FOXP4: variants seen among roughly 807,000 people sequenced by gnomAD.
FOXP4 encodes forkhead box protein P4.
In FOXP4, 25 loss-of-function variants were observed where a neutral mutation model predicts 82.6. The ratio of observed to expected loss-of-function variants is 0.30; its 90% CI spans 0.22 to 0.42. FOXP4 has a LOEUF of 0.42. Among genes scored for constraint, FOXP4 ranks in the 10% least tolerant of loss-of-function variants. The pLI is 1.00. For missense variants in FOXP4, 785 were observed against 900.9 expected (o/e 0.87, Z 1.65); for synonymous variants, 415 against 388.2 (o/e 1.07, Z -0.81).
chr6:41,560,603 C>G (rs936708377), intron 1 of FOXP4, among the ~76,000 whole-genome samples: 3 of 152,252 alleles, frequency 2.0e-5, no homozygotes, highest in Non-Finnish European at 2.9e-5. Context: ...CTCTCCCTCC[C>G]CCGCGGGTAA....
At chr6:41,559,384 G>A (rs1764443435) in intron 1 of FOXP4, among the ~76,000 whole-genome samples, 1 of 152,226 alleles carries the variant, frequency 6.6e-6, no homozygotes, top group Admixed American at 6.5e-5. Flanking sequence ...AATGGATGAA[G>A]GGTCATTGCT....
At chr6:41,583,169 G>T (rs1247209471) in intron 3 of FOXP4, among the ~76,000 whole-genome samples, 2 of 152,244 alleles carry the variant, frequency 1.3e-5, no homozygotes, top group East Asian at 1.9e-4. Context: ...ATAGAGATGG[G>T]CTGGGATAGG....
Position 41,587,343 on chromosome 6 carries a change from G to A in FOXP4, c.703G>A (p.Gly235Ser), listed in dbSNP as rs751465280. 1.9e-6 allele frequency: 3 copies of A among 1,611,474 alleles called. No individual in the cohort carries two copies. The highest frequency in any genetic ancestry group is 2.7e-5 in the African/African-American group (2 of 74,900). ...CCTGCCCCAGCTGTGGAAGGGCGAGGGTGCCCCCGGGCAGCCTGCCGAGGA... is the reference window on the plus strand; with the variant it reads ...CCTGCCCCAGCTGTGGAAGGGCGAGAGTGCCCCCGGGCAGCCTGCCGAGGA... ...TDLPQLWKGE[G>S]APGQPAEDSV... The change falls in exon 7 of 17, where the codon GGT becomes AGT. Residue 235 changes from glycine (G) to serine (S), a missense_variant. This residue lies in a region of FOXP4 where 570 missense variants were observed against 634.0 expected (regional missense o/e 0.90). Coordinates refer to ENST00000307972, the MANE Select transcript of FOXP4 (RefSeq NM_001012426.2).
intron 15 of FOXP4, among the ~76,000 whole-genome samples, chr6:41,597,514 T>G (rs1237914951): frequency 6.6e-6 from 1 of 152,172 alleles, no homozygotes; most frequent in East Asian, 1.9e-4. Flanking sequence ...GGGGGTTCTC[T>G]GTTCCCTGGG....
chr6:41,582,888 C>CATA (rs1765881492), intron 3 of FOXP4, among the ~76,000 whole-genome samples: 1 of 152,166 alleles, frequency 6.6e-6, no homozygotes, highest in Non-Finnish European at 1.5e-5. Flanking sequence ...ACCTGCCCTG[C>CATA]GGTGGGGCAG....
At position 41,591,332 on chromosome 6, in the gene FOXP4, G is replaced by T; in HGVS notation, c.1536+10G>T. 1.9e-6 allele frequency: 3 copies of T among 1,582,354 alleles called. No homozygotes were observed. The highest frequency in any genetic ancestry group is 1.7e-6 in the Non-Finnish European group (2 of 1,162,158). On this transcript the variant is annotated intron_variant, in intron 13 of 16. Coordinates refer to ENST00000307972, the MANE Select transcript of FOXP4 (RefSeq NM_001012426.2). This position sits in a 1 kb window ranked among gnomAD's most constrained non-coding sequence, Gnocchi z 4.2. ...CACTGCCACCTGGAAGGTGAAGCAG[G>T]CCCCTTCCACCTTCTGGGCCCCAGT...
chr6:41,590,450 G>C, intron 12 of FOXP4, 103 bp downstream of exon 12: 1 of 1,244,396 alleles, frequency 8.0e-7, no homozygotes, highest in Non-Finnish European at 1.1e-6. Context: ...CCAAGCAATG[G>C]AGCTGTCCCG....
intron 1 of FOXP4, chr6:41,548,301 C>A (rs1393603272): frequency 6.6e-6 from 1 of 152,236 alleles, no homozygotes. Context: ...TCCGGAGAAC[C>A]AAACCCGAGC....
chr6:41,584,709 G>T (rs950497115), intron 3 of FOXP4, 60 bp from the exon 4 acceptor site: 4 of 1,510,900 alleles, frequency 2.6e-6, no homozygotes, highest in Non-Finnish European at 2.7e-6. Context: ...TGGGGCCCTG[G>T]GTGGTGCCTC....
chr6:41,549,034 G>C (rs935964689), intron 1 of FOXP4, among the ~76,000 whole-genome samples: 2 of 152,120 alleles, frequency 1.3e-5, no homozygotes, highest in Admixed American at 6.5e-5. Context: ...AAGGTGGCAA[G>C]GGGAAGAGGT....
chr6:41,546,841 C>A lies in FOXP4; in HGVS notation c.-43C>A, dbSNP rs1421140406. On this transcript the variant is annotated 5_prime_UTR_variant, in exon 1 of 17. Coordinates refer to ENST00000307972, the MANE Select transcript of FOXP4 (RefSeq NM_001012426.2). The stretch of plus-strand genomic sequence containing the variant: ...CCCCGCGCGGGCTGACGGGCCGGAG[C>A]CCGCACGGAGCGGCCGGGCGGGACA... 2.0e-5 allele frequency: 3 copies of A among 149,670 alleles called. No homozygotes were observed. The highest frequency in any genetic ancestry group is 3.0e-5 in the Non-Finnish European group (2 of 67,242). 9.3% of individuals were successfully genotyped at this position (149,670 alleles called of 1,614,324 possible).
intron 1 of FOXP4, among the ~76,000 whole-genome samples, chr6:41,554,092 A>C (rs1764148213): frequency 6.6e-6 from 1 of 152,096 alleles, no homozygotes; most frequent in Non-Finnish European, 1.5e-5. Context: ...CCTTGTTCTT[A>C]TCCCCACAAC....
Position 41,597,840 on chromosome 6 carries a change from C to G in FOXP4, c.1785C>G (p.Gly595=), listed in dbSNP as rs1015695033. ...ACAGCCCTGGCATGCTGAACCCTGG[C>G]TCCGCCAGCAGCCTGCTGCCCCTCA... ...LLNSPGMLNP[G]SASSLLPLSH... The change falls in exon 16 of 17, where the codon GGC becomes GGG. Residue 595 remains glycine (G), a synonymous_variant. Transcript: ENST00000307972. 6.2e-6 allele frequency: 10 copies of G among 1,604,132 alleles called. No homozygotes were observed. Among genetic ancestry groups the G allele is most frequent in the Non-Finnish European group, 8.5e-6 (10 of 1,178,336 alleles).
At chr6:41,553,420 C>G (rs1764108260) in intron 1 of FOXP4, among the ~76,000 whole-genome samples, 1 of 152,184 alleles carries the variant, frequency 6.6e-6, no homozygotes, top group Admixed American at 6.5e-5. Flanking sequence ...TCTCCTCCCC[C>G]ATTCCTTTTT....
chr6:41,590,977 G>A (rs1355655626), intron 12 of FOXP4, among the ~76,000 whole-genome samples: 1 of 152,202 alleles, frequency 6.6e-6, no homozygotes, highest in Non-Finnish European at 1.5e-5. Flanking sequence ...AATCCTTCTT[G>A]TACAAATACA....
chr6:41,571,008 T>C (rs982331397), intron 2 of FOXP4, among the ~76,000 whole-genome samples: 1 of 151,940 alleles, frequency 6.6e-6, no homozygotes, highest in Admixed American at 6.6e-5. Context: ...GTGAAGCGGC[T>C]CAGAACCCAA....
chr6:41,576,802 G>A (rs1008504346), intron 2 of FOXP4, among the ~76,000 whole-genome samples: 2 of 152,170 alleles, frequency 1.3e-5, no homozygotes, highest in Non-Finnish European at 2.9e-5. Flanking sequence ...GCCCAAGGTC[G>A]CAGCTGGCAG....
At chr6:41,564,344 G>A (rs1764755500) in intron 1 of FOXP4, among the ~76,000 whole-genome samples, 2 of 152,322 alleles carry the variant, frequency 1.3e-5, no homozygotes, top group East Asian at 1.9e-4. Context: ...GCTTGAACCC[G>A]GGAGACGGAG....
intron 2 of FOXP4, among the ~76,000 whole-genome samples, chr6:41,573,417 G>A (rs915241953): frequency 6.6e-6 from 1 of 152,156 alleles, no homozygotes. Flanking sequence ...CTCCCTGGAT[G>A]CCATCCGTTA....
Sources: allele counts gnomAD v4.1 joint callset (sites outside exome capture counted in the v4.1 genomes callset), GRCh38; gene constraint gnomAD v4.1.1; regional missense constraint gnomAD v4.1.1; non-coding constraint Gnocchi (gnomAD v3.1); transcripts MANE v1.5; gene names NCBI Gene and HGNC (gene_info 2026-07-23, HGNC 2026-07-21).